Variants in TMCO5A observed in about 807,000 individuals in gnomAD.
TMCO5A encodes transmembrane and coiled-coil domain-containing protein 5A.
TMCO5A carries 34 observed loss-of-function variants against 42.3 expected under a neutral mutation model. The observed-to-expected ratio is 0.80, with a 90% confidence interval of 0.61 to 1.07. TMCO5A has a LOEUF of 1.07. Ranked by LOEUF, TMCO5A falls within the 50% of genes least tolerant of loss-of-function variation. TMCO5A has a pLI of 0.00. For missense variants in TMCO5A, 357 were observed against 327.9 expected (o/e 1.09, Z -0.69); for synonymous variants, 131 against 115.6 (o/e 1.13, Z -0.86).
At chr15:37,989,667 C>T in the TMCO5A span, among the ~76,000 whole-genome samples, 9 of 152,108 alleles carry the variant, frequency 5.9e-5, no homozygotes, top group Admixed American at 4.6e-4. Context: ...TCTCTTAATA[C>T]ATTTGTGCTG....
At chr15:37,939,221 T>C (rs183276724) in intron 6 of TMCO5A, among the ~76,000 whole-genome samples, 370 of 152,140 alleles carry the variant, frequency 2.4e-3, no homozygotes, top group African/African-American at 8.7e-3. Context: ...CCTCTGAAAA[T>C]TTGGATACAT....
Position 37,942,123 on chromosome 15 carries a change from T to C in TMCO5A, c.505-68T>C, listed in dbSNP as rs2140267785. The C allele has an allele frequency of 2.1e-6, 3 of 1,442,980 alleles. No individual in the cohort carries two copies. The Middle Eastern group carries it at 5.4e-4, about 258-fold the overall frequency. 89.4% of individuals were successfully genotyped at this position (1,442,980 alleles called of 1,614,324 possible). A position where few individuals can be genotyped will look rare whatever the true frequency, so the allele number is the denominator to read the frequency against. Reference sequence around the variant, plus strand: ...CATGGTATCATGTAATAACAAGTGCTTATTATGCTTAGAAAAATTGTAAAC... The same window carrying C: ...CATGGTATCATGTAATAACAAGTGCCTATTATGCTTAGAAAAATTGTAAAC... On this transcript the variant is annotated intron_variant, in intron 8 of 11. Transcript: ENST00000319669.
intron 9 of TMCO5A, 150 bp from the exon 10 acceptor site, chr15:37,943,191 T>G: frequency 1.7e-6 from 1 of 595,436 alleles, no homozygotes; most frequent in East Asian, 3.2e-5. Flanking sequence ...TAATTTAACT[T>G]TAATTAATTT....
chr15:37,936,741 A>G, intron 3 of TMCO5A, 106 bp from the exon 4 acceptor site: 1 of 1,463,880 alleles, frequency 6.8e-7, no homozygotes, highest in African/African-American at 1.4e-5. Flanking sequence ...TCAGCTTGAG[A>G]TTCATGTACA....
At chr15:37,940,957 G>T (rs2140264637) in intron 6 of TMCO5A, among the ~76,000 whole-genome samples, 192 bp from the exon 7 acceptor site, 1 of 152,196 alleles carries the variant, frequency 6.6e-6, no homozygotes, top group Middle Eastern at 3.4e-3. Flanking sequence ...AGACTAAAAG[G>T]TAAGGAATAT....
chr15:37,972,056 T>C (rs1326564917), downstream of TMCO5A, among the ~76,000 whole-genome samples: 1 of 152,212 alleles, frequency 6.6e-6, no homozygotes, highest in Non-Finnish European at 1.5e-5. Flanking sequence ...TTTACTGTAT[T>C]AGTCTGTTTT....
At chr15:37,998,571 T>A in the TMCO5A span, among the ~76,000 whole-genome samples, 2 of 152,204 alleles carry the variant, frequency 1.3e-5, no homozygotes, top group Admixed American at 6.5e-5. Context: ...TCTGTTTTTA[T>A]GCCAGTATCA....
the TMCO5A span, among the ~76,000 whole-genome samples, chr15:37,998,615 T>C: frequency 3.9e-5 from 6 of 152,286 alleles, no homozygotes; most frequent in East Asian, 1.2e-3. Flanking sequence ...GTAGTATAAT[T>C]TGAAGTCAAG....
the TMCO5A span, among the ~76,000 whole-genome samples, chr15:37,999,851 T>C: frequency 1.3e-5 from 2 of 152,220 alleles, no homozygotes; most frequent in Non-Finnish European, 2.9e-5. Flanking sequence ...TGTTGAACCA[T>C]CTTTGCATCC....
At chr15:37,983,852 G>A in the TMCO5A span, among the ~76,000 whole-genome samples, 1 of 151,732 alleles carries the variant, frequency 6.6e-6, no homozygotes, top group East Asian at 1.9e-4. Context: ...AGCCTCCCAA[G>A]TAGCTGGAAT....
rs376105865 is a variant in TMCO5A, at chr15:37,941,637, G to A, written c.445-34G>A. On this transcript the variant is annotated intron_variant, in intron 7 of 11. Transcript: ENST00000319669. ...GCTTGTGTTCTTATAGCAATTTACC[G>A]AAATATATTTACAACTAAATTTTGA... The A allele has an allele frequency of 2.8e-5, 42 of 1,515,430 alleles. No individual in the cohort carries two copies. The African/African-American group carries it at 3.8e-4, about 14-fold the overall frequency. 93.9% of individuals were successfully genotyped at this position (1,515,430 alleles called of 1,614,324 possible).
exon 12 of TMCO5A, chr15:37,966,645 G>A: frequency 7.1e-6 from 5 of 702,860 alleles, no homozygotes; most frequent in Non-Finnish European, 1.3e-5. Flanking sequence ...TCCTTTTAGT[G>A]GCAAGATGGC....
downstream of TMCO5A, among the ~76,000 whole-genome samples, chr15:37,971,741 G>A (rs1026387391): frequency 6.6e-6 from 1 of 152,026 alleles, no homozygotes; most frequent in Non-Finnish European, 1.5e-5. Flanking sequence ...AAATCTCTAG[G>A]GCAGGGGCAA....
chr15:38,038,032 A>AT, the TMCO5A span, among the ~76,000 whole-genome samples: 1 of 152,146 alleles, frequency 6.6e-6, no homozygotes, highest in Non-Finnish European at 1.5e-5. Context: ...AAATAAAAAA[A>AT]AAATACTAAC....
the TMCO5A span, among the ~76,000 whole-genome samples, chr15:38,003,344 C>T: frequency 1.3e-5 from 2 of 152,054 alleles, no homozygotes; most frequent in African/African-American, 4.8e-5. Context: ...GGGTCAGACC[C>T]AAAGCCAGCA....
chr15:38,036,785 AAT>A, the TMCO5A span, among the ~76,000 whole-genome samples: 1 of 152,014 alleles, frequency 6.6e-6, no homozygotes, highest in South Asian at 2.1e-4. Flanking sequence ...ATCATGGTAT[AAT>A]TATGTGCTTG....
At chr15:37,989,296 A>G in the TMCO5A span, among the ~76,000 whole-genome samples, 1 of 151,972 alleles carries the variant, frequency 6.6e-6, no homozygotes, top group East Asian at 1.9e-4. Flanking sequence ...CTATTATTAA[A>G]CAAAAAAATT....
At chr15:37,998,491 C>CA in the TMCO5A span, among the ~76,000 whole-genome samples, 1 of 152,094 alleles carries the variant, frequency 6.6e-6, no homozygotes, top group South Asian at 2.1e-4. Flanking sequence ...GCACCTTTGT[C>CA]AAAAATGAGT....
At chr15:38,007,276 A>T in the TMCO5A span, among the ~76,000 whole-genome samples, 1 of 152,196 alleles carries the variant, frequency 6.6e-6, no homozygotes, top group African/African-American at 2.4e-5. Context: ...CATTGATAAA[A>T]TGAGATAAAT....
Sources: allele counts gnomAD v4.1 joint callset (sites outside exome capture counted in the v4.1 genomes callset), GRCh38; gene constraint gnomAD v4.1.1; transcripts MANE v1.5; gene names NCBI Gene and HGNC (gene_info 2026-07-23, HGNC 2026-07-21).